The following SGCD variants were observed in gnomAD, a reference collection of about 807,000 sequenced individuals.
SGCD encodes the protein delta-sarcoglycan.
A neutral mutation model predicts 36.6 loss-of-function variants in SGCD; 18 were observed. That is an observed-to-expected ratio of 0.49 (90% confidence interval 0.34 to 0.73). The LOEUF (loss-of-function observed/expected upper bound fraction) is 0.73, where lower values mean the gene tolerates loss of function less well. Among genes scored for constraint, SGCD ranks in the 30% least tolerant of loss-of-function variants. The pLI, the probability that SGCD is intolerant of heterozygous loss-of-function variation, is 0.01. For synonymous variants in SGCD, 133 were observed against 130.6 expected (o/e 1.02, Z -0.12); for missense variants, 387 against 346.7 (o/e 1.12, Z -0.92).
the SGCD span, among the ~76,000 whole-genome samples, chr5:155,753,566 C>G: frequency 6.6e-6 from 1 of 152,048 alleles, no homozygotes; most frequent in East Asian, 1.9e-4. Context: ...TCTGTCATTG[C>G]AATGTGCACA....
intron 1 of SGCD, among the ~76,000 whole-genome samples, chr5:155,903,670 T>G (rs1052741558): frequency 3.3e-5 from 5 of 152,148 alleles, no homozygotes; most frequent in African/African-American, 1.2e-4. Flanking sequence ...ATGAACTAAT[T>G]TCTAATTATC....
chr5:156,194,934 C>G (rs1763987340), intron 3 of SGCD, among the ~76,000 whole-genome samples: 1 of 152,020 alleles, frequency 6.6e-6, no homozygotes, highest in Non-Finnish European at 1.5e-5. Context: ...TATAATAAGG[C>G]TCAGTCAATA....
chr5:156,095,589 A>C (rs1761355487), intron 1 of SGCD, among the ~76,000 whole-genome samples: 1 of 152,184 alleles, frequency 6.6e-6, no homozygotes. Flanking sequence ...GGGACTTTAG[A>C]CAGGGTTACC....
chr5:156,455,066 A>C (rs903015052), intron 3 of SGCD, among the ~76,000 whole-genome samples: 1 of 152,200 alleles, frequency 6.6e-6, no homozygotes, highest in African/African-American at 2.4e-5. Flanking sequence ...AGCACAGCAC[A>C]TATTGAATGG....
intron 1 of SGCD, among the ~76,000 whole-genome samples, chr5:155,964,028 A>T (rs537203139): frequency 6.6e-6 from 1 of 152,168 alleles, no homozygotes; most frequent in South Asian, 2.1e-4. Context: ...GTCAATGGCT[A>T]CTTTCTCTGA....
intron 3 of SGCD, among the ~76,000 whole-genome samples, chr5:156,300,555 C>G (rs868092958): frequency 1.4e-4 from 22 of 152,016 alleles, no homozygotes; most frequent in African/African-American, 5.1e-4. Context: ...TGAGAATGAT[C>G]CATGTGGTGA....
Position 156,329,486 on chromosome 5 carries a change from G to A in SGCD, c.-43-48G>A, listed in dbSNP as rs141915947. Reference sequence around the variant, plus strand: ...GGTTCAGATTTCCTAGGCAAGGAGGGGGCAGGCTCTTCAGACCTTATTTTT... The same window carrying A: ...GGTTCAGATTTCCTAGGCAAGGAGGAGGCAGGCTCTTCAGACCTTATTTTT... On this transcript the variant is annotated intron_variant, in intron 1 of 8. Coordinates refer to ENST00000337851, the MANE Select transcript of SGCD (RefSeq NM_000337.6). 8.7e-5 allele frequency: 113 copies of A among 1,296,956 alleles called. 1 individual carries two copies. The African/African-American group carries it at 1.3e-3, about 15-fold the overall frequency. The allele number at this position is 1,296,956 out of a possible 1,614,324, so 80.3% of individuals were successfully genotyped here. A position where few individuals can be genotyped will look rare whatever the true frequency, so the allele number is the denominator to read the frequency against.
chr5:156,652,825 A>G (rs1412964006), intron 7 of SGCD, among the ~76,000 whole-genome samples: 4 of 151,992 alleles, frequency 2.6e-5, no homozygotes, highest in African/African-American at 9.7e-5. Context: ...ATTTTATTGA[A>G]TGCTTTTTCT....
At chr5:156,297,899 A>T (rs1021276557) in intron 3 of SGCD, among the ~76,000 whole-genome samples, 1 of 151,868 alleles carries the variant, frequency 6.6e-6, no homozygotes, top group Non-Finnish European at 1.5e-5. Context: ...ATATTTTTGT[A>T]CTCAGTAGCT....
intron 3 of SGCD, among the ~76,000 whole-genome samples, chr5:156,354,339 G>C (rs2127725014): frequency 6.6e-6 from 1 of 152,170 alleles, no homozygotes; most frequent in Non-Finnish European, 1.5e-5. Flanking sequence ...CAGGCATAAT[G>C]GTTCTAGTAT....
intron 6 of SGCD, among the ~76,000 whole-genome samples, chr5:156,613,383 A>G (rs1761901473): frequency 6.6e-6 from 1 of 152,186 alleles, no homozygotes; most frequent in Non-Finnish European, 1.5e-5. Flanking sequence ...GGACCAATGG[A>G]TTTTGTTGAC....
chr5:156,753,232 G>A (rs143094561), intron 7 of SGCD, among the ~76,000 whole-genome samples: 1,560 of 152,244 alleles, frequency 0.01, 9 homozygotes, highest in African/African-American at 0.014. Flanking sequence ...AGCCTGGCCC[G>A]GCCCAGCTCC....
chr5:156,149,680 A>C (rs1397812962), intron 3 of SGCD, among the ~76,000 whole-genome samples: 1 of 150,906 alleles, frequency 6.6e-6, no homozygotes, highest in Non-Finnish European at 1.5e-5. Context: ...TGAAGGGGCC[A>C]GGGGAGGTGG....
At chr5:156,325,105 T>C (rs981380303), upstream of SGCD, among the ~76,000 whole-genome samples, 5 of 152,184 alleles carry the variant, frequency 3.3e-5, no homozygotes, top group African/African-American at 1.2e-4. Flanking sequence ...ATCTCACTGT[T>C]TTTCTTTTCT....
intron 7 of SGCD, among the ~76,000 whole-genome samples, chr5:156,717,631 C>T (rs1279357124): frequency 6.6e-6 from 1 of 152,164 alleles, no homozygotes; most frequent in Non-Finnish European, 1.5e-5. Context: ...CATATGCAAA[C>T]CATCTAATCT....
intron 1 of SGCD, among the ~76,000 whole-genome samples, chr5:155,942,700 G>GGACA (rs1554105985): frequency 1.3e-5 from 2 of 151,916 alleles, no homozygotes; most frequent in Non-Finnish European, 2.9e-5. Context: ...AGATTTCAGA[G>GGACA]GAACAGAACA....
intron 2 of SGCD, among the ~76,000 whole-genome samples, chr5:156,339,981 GAT>G (rs2127712628): frequency 6.6e-6 from 1 of 152,274 alleles, no homozygotes; most frequent in East Asian, 1.9e-4. Context: ...ACAATGGAAA[GAT>G]AATTATTTTT....
chr5:156,165,477 C>A (rs898564908), intron 3 of SGCD, among the ~76,000 whole-genome samples: 2 of 152,210 alleles, frequency 1.3e-5, no homozygotes, highest in East Asian at 3.9e-4. Context: ...TACTTTTTTA[C>A]CTGATTTTAG....
chr5:156,608,106 T>C (rs1223947670), intron 6 of SGCD, among the ~76,000 whole-genome samples: 1 of 152,222 alleles, frequency 6.6e-6, no homozygotes, highest in African/African-American at 2.4e-5. Context: ...TGTTTGCTCT[T>C]GCTTCTCTGG....
Sources: gnomAD v4.1 joint callset for allele counts (sites outside exome capture counted in the v4.1 genomes callset) on GRCh38, gnomAD v4.1.1 for gene constraint, MANE v1.5 for transcripts, NCBI Gene and HGNC (gene_info 2026-07-23, HGNC 2026-07-21) for gene names.